Variants in ROBO1 observed in about 807,000 individuals in gnomAD.
ROBO1 encodes roundabout guidance receptor 1.
In ROBO1, 149 loss-of-function variants were observed where a neutral mutation model predicts 195.9. The observed-to-expected ratio is 0.76, with a 90% CI of 0.67 to 0.87. ROBO1 has a LOEUF of 0.87. ROBO1 is among the 40% of genes least tolerant of loss of function. The pLI, the probability that ROBO1 is intolerant of heterozygous loss-of-function variation, is 0.00. For missense variants in ROBO1, 1,933 were observed against 2,068.3 expected (o/e 0.93, Z 1.27); for synonymous variants, 816 against 733.2 (o/e 1.11, Z -1.82).
intron 2 of ROBO1, among the ~76,000 whole-genome samples, chr3:79,430,053 A>C (rs1483752990): frequency 7.2e-5 from 11 of 151,974 alleles, no homozygotes. Context: ...CCATAGTCTA[A>C]CATTTATGAT....
chr3:78,685,532 A>G (rs923318774), intron 10 of ROBO1, among the ~76,000 whole-genome samples: 1 of 152,196 alleles, frequency 6.6e-6, no homozygotes, highest in East Asian at 1.9e-4. Context: ...GATAATTGCT[A>G]TGCTTTTATG....
intron 2 of ROBO1, among the ~76,000 whole-genome samples, chr3:79,471,979 A>C (rs1403695889): frequency 6.6e-6 from 1 of 152,056 alleles, no homozygotes; most frequent in East Asian, 1.9e-4. Flanking sequence ...AGAAATACCT[A>C]ATGTAGATGA....
chr3:79,665,542 A>T (rs969525314), intron 1 of ROBO1, among the ~76,000 whole-genome samples: 1 of 151,880 alleles, frequency 6.6e-6, no homozygotes, highest in Non-Finnish European at 1.5e-5. Flanking sequence ...CCAAATTGTA[A>T]TTCAATAGCC....
At chr3:78,714,546 GCA>G (rs1365137152) in intron 7 of ROBO1, 22 bp from the exon 8 acceptor site, 1 of 1,599,718 alleles carries the variant, frequency 6.3e-7, no homozygotes, top group Admixed American at 1.7e-5. Context: ...ACAAAAGAAA[GCA>G]CAGTTAAGTG....
At chr3:79,751,433 A>G (rs566256480) in intron 1 of ROBO1, among the ~76,000 whole-genome samples, 1 of 152,266 alleles carries the variant, frequency 6.6e-6, no homozygotes, top group Admixed American at 6.5e-5. Context: ...AAATTTAAAA[A>G]TTCAATATAT....
rs1456332854 is a variant in ROBO1 at position 78,711,340 on chromosome 3, C to CTCCT, written c.1045+3056_1045+3057insAGGA. On this transcript the variant is annotated intron_variant, in intron 8 of 30. Transcript: ENST00000464233. ...CTCTCTCTCTCTCCTTCCTTCCTTC[C>CTCCT]TTCCTTCCTCCTTCCTTCCTTCCTT... Among the ~76,000 whole-genome samples, 16 of 100,192 alleles carry CTCCT rather than the reference C, an allele frequency of 1.6e-4. No individual in the cohort carries two copies. The East Asian group carries it at 5.3e-3, about 33-fold the overall frequency. The allele number at this position is 100,192 out of a possible 152,430, so 65.7% of individuals were successfully genotyped here. A position where few individuals can be genotyped will look rare whatever the true frequency, so the allele number is the denominator to read the frequency against.
chr3:79,265,466 C>T (rs1314025972), intron 2 of ROBO1, among the ~76,000 whole-genome samples: 1 of 151,380 alleles, frequency 6.6e-6, no homozygotes, highest in Non-Finnish European at 1.5e-5. Flanking sequence ...CAGGCAGAAG[C>T]CTGCACTAAT....
intron 23 of ROBO1, 145 bp from the exon 24 acceptor site, chr3:78,634,187 A>G (rs1705349343): frequency 2.1e-6 from 1 of 481,126 alleles, no homozygotes; most frequent in Non-Finnish European, 3.7e-6. Context: ...TGTTGTATTC[A>G]GATTGTCAGG....
chr3:79,508,924 A>T (rs1459476333), intron 2 of ROBO1, among the ~76,000 whole-genome samples: 1 of 152,182 alleles, frequency 6.6e-6, no homozygotes, highest in Non-Finnish European at 1.5e-5. Context: ...TTTAAGATAC[A>T]ATCTGACAAA....
At chr3:79,624,711 G>C (rs1945115219) in intron 1 of ROBO1, among the ~76,000 whole-genome samples, 1 of 151,822 alleles carries the variant, frequency 6.6e-6, no homozygotes, top group Non-Finnish European at 1.5e-5. Context: ...AGTTCTTAGA[G>C]ACCTATAAAG....
chr3:78,878,904 A>G (rs1274462370), intron 4 of ROBO1, among the ~76,000 whole-genome samples: 1 of 152,206 alleles, frequency 6.6e-6, no homozygotes. Flanking sequence ...AAATAAATAA[A>G]TAAAATAGTG....
intron 1 of ROBO1, among the ~76,000 whole-genome samples, chr3:79,659,118 A>G (rs2106810424): frequency 6.6e-6 from 1 of 152,212 alleles, no homozygotes; most frequent in Non-Finnish European, 1.5e-5. Context: ...AATATAATCG[A>G]CACATATCAA....
At chr3:78,767,975 G>A (rs1472417232) in intron 4 of ROBO1, among the ~76,000 whole-genome samples, 4 of 151,864 alleles carry the variant, frequency 2.6e-5, no homozygotes, top group African/African-American at 4.8e-5. Context: ...TTTGGGTTTG[G>A]TTTGTTCTTG....
At chr3:78,711,348 C>CTCCTTTCTTTCT (rs1575992298) in intron 8 of ROBO1, among the ~76,000 whole-genome samples, 30 of 54,670 alleles carry the variant, frequency 5.5e-4, no homozygotes, top group Admixed American at 8.8e-4. Flanking sequence ...TCCTTCCTTC[C>CTCCTTTCTTTCT]TCCTTCCTTC....
chr3:79,510,459 G>T (rs1054767411), intron 2 of ROBO1, among the ~76,000 whole-genome samples: 2 of 151,982 alleles, frequency 1.3e-5, no homozygotes, highest in Admixed American at 6.6e-5. Flanking sequence ...CGCACCATGA[G>T]AATGGACTAA....
At chr3:79,086,252 G>A (rs2079367596) in intron 3 of ROBO1, among the ~76,000 whole-genome samples, 1 of 151,330 alleles carries the variant, frequency 6.6e-6, no homozygotes, top group African/African-American at 2.4e-5. Flanking sequence ...CAGATGGGGA[G>A]GTGACCATAC....
chr3:78,624,293 C>T (rs1232534956), intron 26 of ROBO1, among the ~76,000 whole-genome samples: 5 of 151,818 alleles, frequency 3.3e-5, no homozygotes, highest in African/African-American at 1.2e-4. Context: ...TATGTATTTT[C>T]AAAAATTTCT....
intron 4 of ROBO1, among the ~76,000 whole-genome samples, chr3:78,827,460 T>C (rs1170852720): frequency 6.6e-6 from 1 of 152,220 alleles, no homozygotes. Context: ...CAAGTTCATA[T>C]AGCAGGTGCA....
intron 1 of ROBO1, among the ~76,000 whole-genome samples, chr3:79,679,286 T>A (rs1946874734): frequency 6.6e-6 from 1 of 152,022 alleles, no homozygotes; most frequent in Non-Finnish European, 1.5e-5. Flanking sequence ...TTATTTTATA[T>A]TAGTTGTTTT....
Sources: gnomAD v4.1 joint callset for allele counts (sites outside exome capture counted in the v4.1 genomes callset) on GRCh38, gnomAD v4.1.1 for gene constraint, MANE v1.5 for transcripts, NCBI Gene and HGNC (gene_info 2026-07-23, HGNC 2026-07-21) for gene names.